The following CHCHD6 variants were observed in gnomAD, a reference collection of about 807,000 sequenced individuals.
CHCHD6 encodes MICOS complex subunit MIC25.
In CHCHD6, 28 loss-of-function variants were observed where a neutral mutation model predicts 32.3. The ratio of observed to expected loss-of-function variants is 0.87; its 90% CI spans 0.64 to 1.19. The LOEUF (loss-of-function observed/expected upper bound fraction) is 1.19. CHCHD6 is among the 50% of genes most tolerant of loss of function. CHCHD6 has a pLI of 0.00. For missense variants in CHCHD6, 333 were observed against 307.0 expected, an observed-to-expected ratio of 1.08 and a Z score of -0.63; for synonymous variants, 122 against 117.5, an observed-to-expected ratio of 1.04 and a Z score of -0.25.
intron 6 of CHCHD6, among the ~76,000 whole-genome samples, chr3:126,923,963 A>G (rs575848618): frequency 1.3e-5 from 2 of 152,176 alleles, no homozygotes; most frequent in Non-Finnish European, 2.9e-5. Context: ...CCTTTTGGGG[A>G]TGTATCCCAG....
intron 6 of CHCHD6, among the ~76,000 whole-genome samples, chr3:126,925,871 A>G (rs1002727235): frequency 6.6e-6 from 1 of 152,212 alleles, no homozygotes; most frequent in Non-Finnish European, 1.5e-5. Flanking sequence ...CTCCTTAAAG[A>G]CAGGATTAAA....
intron 1 of CHCHD6, 45 bp downstream of exon 1, chr3:126,704,444 C>A (rs1398070048): frequency 5.5e-6 from 7 of 1,273,142 alleles, no homozygotes; most frequent in Non-Finnish European, 7.2e-6. Flanking sequence ...AGGCCGCGGG[C>A]GCGGGGGGGA....
intron 4 of CHCHD6, among the ~76,000 whole-genome samples, chr3:126,766,177 C>T (rs980985775): frequency 6.6e-6 from 1 of 151,916 alleles, no homozygotes; most frequent in Admixed American, 6.6e-5. Context: ...GTTTCTGCCT[C>T]TTGTAGGAAT....
At chr3:126,943,171 C>T (rs895610854) in intron 6 of CHCHD6, among the ~76,000 whole-genome samples, 1 of 152,232 alleles carries the variant, frequency 6.6e-6, no homozygotes, top group African/African-American at 2.4e-5. Flanking sequence ...GCCTTAGCTG[C>T]AAGCAGGCCA....
chr3:126,731,191 A>G (rs978289095), intron 3 of CHCHD6, among the ~76,000 whole-genome samples: 1 of 151,564 alleles, frequency 6.6e-6, no homozygotes, highest in Non-Finnish European at 1.5e-5. Context: ...GTGCACATGC[A>G]GGCATGTTTT....
chr3:126,866,951 G>GT (rs1231953894), intron 5 of CHCHD6, among the ~76,000 whole-genome samples: 2 of 152,146 alleles, frequency 1.3e-5, no homozygotes, highest in East Asian at 3.8e-4. Flanking sequence ...GAGTTTTGGG[G>GT]TTTTTTGTTT....
intron 5 of CHCHD6, among the ~76,000 whole-genome samples, chr3:126,902,642 G>A (rs1028301839): frequency 3.4e-4 from 51 of 151,508 alleles, no homozygotes; most frequent in African/African-American, 1.0e-3. Context: ...GCGTGAACCT[G>A]GGAGGCAGAG....
chr3:126,959,582 A>G (rs1001546657), intron 7 of CHCHD6, among the ~76,000 whole-genome samples: 8 of 152,190 alleles, frequency 5.3e-5, no homozygotes, highest in Non-Finnish European at 1.0e-4. Flanking sequence ...CACATGGTCA[A>G]GGGCCTTGGG....
chr3:126,913,950 G>A (rs1401442179), intron 5 of CHCHD6, among the ~76,000 whole-genome samples: 1 of 152,238 alleles, frequency 6.6e-6, no homozygotes, highest in East Asian at 1.9e-4. Flanking sequence ...TTTGCTCCCA[G>A]GCCTGGGCCT....
intron 1 of CHCHD6, among the ~76,000 whole-genome samples, chr3:126,722,533 C>T (rs910370769): frequency 1.3e-4 from 20 of 152,070 alleles, no homozygotes; most frequent in African/African-American, 2.2e-4. Flanking sequence ...GGTTTAAACC[C>T]GTGTTTCTCT....
intron 4 of CHCHD6, among the ~76,000 whole-genome samples, chr3:126,793,277 T>C (rs1938636005): frequency 6.6e-6 from 1 of 152,190 alleles, no homozygotes; most frequent in South Asian, 2.1e-4. Flanking sequence ...TGTATGCTTC[T>C]ACTGTTTTTT....
At chr3:126,707,702 C>G (rs1214058781) in intron 1 of CHCHD6, among the ~76,000 whole-genome samples, 1 of 152,208 alleles carries the variant, frequency 6.6e-6, no homozygotes, top group Non-Finnish European at 1.5e-5. Context: ...CAGGCTTGAT[C>G]AACTTTACCG....
chr3:126,848,979 G>A (rs1389710939), intron 4 of CHCHD6, among the ~76,000 whole-genome samples: 1 of 152,204 alleles, frequency 6.6e-6, no homozygotes, highest in Non-Finnish European at 1.5e-5. Flanking sequence ...AGTGCAGGAC[G>A]AGGTCTGATT....
intron 4 of CHCHD6, among the ~76,000 whole-genome samples, chr3:126,768,988 G>A (rs1220938429): frequency 1.3e-5 from 2 of 152,276 alleles, no homozygotes; most frequent in Admixed American, 6.5e-5. Flanking sequence ...TTTGTAGGTC[G>A]CACGTTTACT....
At chr3:126,896,382 A>C (rs1392261517) in intron 5 of CHCHD6, among the ~76,000 whole-genome samples, 1 of 152,164 alleles carries the variant, frequency 6.6e-6, no homozygotes, top group Non-Finnish European at 1.5e-5. Context: ...AAAGATGTAC[A>C]TAGCCCAGAA....
intron 4 of CHCHD6, among the ~76,000 whole-genome samples, chr3:126,847,276 A>G (rs1173256930): frequency 1.3e-5 from 2 of 152,022 alleles, no homozygotes; most frequent in Non-Finnish European, 2.9e-5. Flanking sequence ...TTCCAAGCTC[A>G]CTCATGTGAC....
At position 126,739,090 on chromosome 3, in the gene CHCHD6, T is replaced by A. The variant is rs568802740; in HGVS notation, c.411+5868T>A. On this transcript the variant is annotated intron_variant, in intron 4 of 7. Transcript: ENST00000290913. ...TATACCTCCTCCAGTGTGAGTGTTATGTGGAGATCTGAAAATCCTGTGGAG... is the reference window on the plus strand; with the variant it reads ...TATACCTCCTCCAGTGTGAGTGTTAAGTGGAGATCTGAAAATCCTGTGGAG... 3.3e-5 allele frequency among the ~76,000 whole-genome samples: 5 copies of A among 152,342 alleles called. No homozygotes were observed. In the South Asian group the frequency reaches 1.0e-3, roughly 32 times the overall value.
intron 1 of CHCHD6, among the ~76,000 whole-genome samples, chr3:126,720,928 A>C (rs1395944395): frequency 6.6e-6 from 1 of 152,222 alleles, no homozygotes; most frequent in East Asian, 1.9e-4. Context: ...GCAAATGGGC[A>C]AACTTGGGAA....
At chr3:126,918,421 A>G (rs1355124323) in intron 6 of CHCHD6, among the ~76,000 whole-genome samples, 1 of 152,350 alleles carries the variant, frequency 6.6e-6, no homozygotes, top group Non-Finnish European at 1.5e-5. Context: ...GGACACAGTG[A>G]TGAACAAGAC....
Sources: gnomAD v4.1 joint callset for allele counts (sites outside exome capture counted in the v4.1 genomes callset) on GRCh38, gnomAD v4.1.1 for gene constraint, MANE v1.5 for transcripts, NCBI Gene and HGNC (gene_info 2026-07-23, HGNC 2026-07-21) for gene names.